The following UBXN11 variants were observed in gnomAD, a reference collection of about 807,000 sequenced individuals.
UBXN11 encodes the protein UBX domain protein 11.
In UBXN11, 47 loss-of-function variants were observed where a neutral mutation model predicts 62.8. The observed-to-expected ratio is 0.75, with a 90% CI of 0.59 to 0.95. The LOEUF is 0.95. Ranked by LOEUF, UBXN11 falls within the 40% of genes least tolerant of loss-of-function variation. UBXN11 has a pLI of 0.00. For missense variants in UBXN11, 638 were observed against 661.7 expected (o/e 0.96, Z 0.39); for synonymous variants, 294 against 267.0 (o/e 1.10, Z -0.99).
At chr1:26,286,598 G>A (rs945844327) in intron 8 of UBXN11, among the ~76,000 whole-genome samples, 9 of 152,156 alleles carry the variant, frequency 5.9e-5, no homozygotes, top group Admixed American at 5.9e-4. Flanking sequence ...ACCATGTTAA[G>A]AGCCAGCTTG....
intron 1 of UBXN11, among the ~76,000 whole-genome samples, chr1:26,315,138 C>A (rs569377838): frequency 9.9e-5 from 15 of 152,226 alleles, no homozygotes; most frequent in African/African-American, 3.6e-4. Context: ...GCTTTCCTTG[C>A]AGAGGAAATA....
Position 26,282,969 on chromosome 1 carries a change from C to A in UBXN11, c.1078-32G>T, listed in dbSNP as rs372056946. ...GGTATCAGTGGAGGGTGGACAGAGC[C>A]CTAGGCCCCATTTGAGTCATCCCCA... On this transcript the variant is annotated intron_variant, in intron 12 of 14. Transcript: ENST00000374222. 23 of 1,613,886 alleles carry A rather than the reference C, an allele frequency of 1.4e-5. No homozygotes were observed. In the African/African-American group the frequency reaches 2.1e-4, roughly 15 times the overall value.
chr1:26,300,235 C>T (rs2073497577), intron 4 of UBXN11, among the ~76,000 whole-genome samples: 1 of 152,182 alleles, frequency 6.6e-6, no homozygotes, highest in African/African-American at 2.4e-5. Flanking sequence ...TGGCCAGGGG[C>T]CCTCCACCGA....
chr1:26,289,846 C>T (rs1368799951), intron 8 of UBXN11, among the ~76,000 whole-genome samples: 1 of 152,228 alleles, frequency 6.6e-6, no homozygotes, highest in Admixed American at 6.5e-5. Context: ...GCCCTTGACC[C>T]TCAGGCAAAG....
At chr1:26,294,386 G>A in intron 7 of UBXN11, 55 bp from the exon 8 acceptor site, 2 of 1,596,354 alleles carry the variant, frequency 1.3e-6, no homozygotes, top group Non-Finnish European at 1.7e-6. Context: ...CCTTCCCAGG[G>A]AAAGGCAGTG....
intron 2 of UBXN11, among the ~76,000 whole-genome samples, chr1:26,302,207 C>CA (rs143859152): frequency 6.6e-6 from 1 of 151,652 alleles, no homozygotes; most frequent in East Asian, 1.9e-4. Context: ...ACTAAAAATA[C>CA]AAAAAATTAG....
At chr1:26,299,770 G>A (rs1456096707) in intron 4 of UBXN11, among the ~76,000 whole-genome samples, 1 of 152,136 alleles carries the variant, frequency 6.6e-6, no homozygotes, top group Non-Finnish European at 1.5e-5. Context: ...GGGGATGACA[G>A]GGGAAAGCAG....
chr1:26,296,776 G>T, intron 7 of UBXN11, 143 bp downstream of exon 7: 1 of 855,882 alleles, frequency 1.2e-6, no homozygotes, highest in African/African-American at 1.7e-5. Flanking sequence ...GTCCTGGGTA[G>T]GGAAATGCAG....
At chr1:26,309,235 G>A (rs1307549144), upstream of UBXN11, among the ~76,000 whole-genome samples, 9 of 71,496 alleles carry the variant, frequency 1.3e-4, no homozygotes, top group Non-Finnish European at 1.9e-4. Flanking sequence ...GCCCTGTCCC[G>A]AGTCAATTGA....
upstream of UBXN11, among the ~76,000 whole-genome samples, chr1:26,311,181 C>G (rs2073741182): frequency 7.0e-6 from 1 of 142,784 alleles, no homozygotes; most frequent in African/African-American, 2.6e-5. Flanking sequence ...ACTCTGTTTT[C>G]CAGGCTGGAG....
At chr1:26,294,470 G>A in intron 7 of UBXN11, 139 bp from the exon 8 acceptor site, 1 of 1,328,246 alleles carries the variant, frequency 7.5e-7, no homozygotes, top group South Asian at 1.5e-5. Context: ...ATGAGTAGGG[G>A]GATCTTGCCA....
intron 8 of UBXN11, among the ~76,000 whole-genome samples, chr1:26,289,202 T>A (rs887415505): frequency 5.9e-5 from 9 of 152,130 alleles, no homozygotes; most frequent in Non-Finnish European, 1.0e-4. Context: ...CAGCTTCCTC[T>A]TCTGTACAAT....
chr1:26,283,827 C>G (rs929393751), intron 12 of UBXN11, among the ~76,000 whole-genome samples: 3 of 152,206 alleles, frequency 2.0e-5, no homozygotes, highest in African/African-American at 7.2e-5. Context: ...GAGTCTGAGG[C>G]AACCACGAAG....
upstream of UBXN11, among the ~76,000 whole-genome samples, chr1:26,308,876 A>G (rs920966956): frequency 2.0e-5 from 3 of 151,930 alleles, no homozygotes; most frequent in Non-Finnish European, 2.9e-5. Flanking sequence ...GACACTCAGT[A>G]AACATCTATT....
At chr1:26,311,781 T>G in intron 1 of UBXN11, among the ~76,000 whole-genome samples, 1 of 152,218 alleles carries the variant, frequency 6.6e-6, no homozygotes, top group African/African-American at 2.4e-5. Flanking sequence ...TGCTTTGCTT[T>G]TAGGTCATTT....
chr1:26,295,025 G>T (rs540061594), intron 7 of UBXN11, among the ~76,000 whole-genome samples: 5 of 152,062 alleles, frequency 3.3e-5, no homozygotes, highest in African/African-American at 1.2e-4. Flanking sequence ...CCATCCACAC[G>T]CTCTCCCAAA....
intron 8 of UBXN11, among the ~76,000 whole-genome samples, chr1:26,287,066 G>A (rs1470846430): frequency 2.0e-5 from 3 of 152,002 alleles, no homozygotes; most frequent in South Asian, 4.2e-4. Flanking sequence ...AAAATGACTC[G>A]TCCCAAGCCA....
chr1:26,282,433 A>G lies in UBXN11; in HGVS notation c.1429T>C (p.Ser477Pro), dbSNP rs767007821. 1 of 1,596,100 alleles carries G rather than the reference A, an allele frequency of 6.3e-7. No homozygotes were observed. The highest frequency in any genetic ancestry group is 1.1e-5 in the South Asian group (1 of 90,248). Residue 477 changes from serine to proline, a missense_variant, in exon 15 of 15, where the codon TCC becomes CCC. Physicochemically the swap from Ser to Pro is moderately conservative, Grantham distance 74 (BLOSUM62 -1). Transcript: ENST00000374222. ...GGACCAGGACTGAATTTCAGGCTGG[A>G]CTTCGGGGCTCGGCGTGCCCGCAGC... is the stretch of plus-strand genomic sequence containing the variant. ...LLLRARRAPK[S>P]SLKFSPGPCP...
At chr1:26,317,929 C>A in intron 1 of UBXN11, 1 of 1,188,030 alleles carries the variant, frequency 8.4e-7, no homozygotes, top group South Asian at 1.2e-5. Context: ...CCTCCTGGTT[C>A]AAAAGCAGCT....
Sources: gnomAD v4.1 joint callset for allele counts (sites outside exome capture counted in the v4.1 genomes callset) on GRCh38, gnomAD v4.1.1 for gene constraint, MANE v1.5 for transcripts, NCBI Gene and HGNC (gene_info 2026-07-23, HGNC 2026-07-21) for gene names.